TMEM117: variants seen among roughly 807,000 people sequenced by gnomAD.
TMEM117 encodes transmembrane protein 117.
Under a neutral mutation model 52.4 loss-of-function variants are expected in TMEM117, and 27 were observed. That is an observed-to-expected ratio of 0.51 (90% confidence interval 0.38 to 0.71). TMEM117 has a LOEUF of 0.71. TMEM117 is among the 30% of genes least tolerant of loss of function. The probability of loss-of-function intolerance (pLI) is 0.00; values close to 1 mark genes in which losing one functional copy is unlikely to be tolerated. For synonymous variants in TMEM117, 215 were observed against 206.3 expected, an observed-to-expected ratio of 1.04 and a Z score of -0.36; for missense variants, 556 against 630.5, an observed-to-expected ratio of 0.88 and a Z score of 1.26.
intron 2 of TMEM117, among the ~76,000 whole-genome samples, chr12:43,878,164 C>G (rs977917914): frequency 6.6e-6 from 1 of 150,980 alleles, no homozygotes; most frequent in African/African-American, 2.5e-5. Context: ...CTTAACAAAC[C>G]ACTCTGACTT....
chr12:44,155,295 G>A (rs1158382493), intron 4 of TMEM117, among the ~76,000 whole-genome samples: 1 of 152,018 alleles, frequency 6.6e-6, no homozygotes, highest in East Asian at 1.9e-4. Context: ...TAACAAATTA[G>A]TAAGGAGTAA....
chr12:44,152,857 A>G lies in TMEM117; in HGVS notation c.510+9233A>G, dbSNP rs142743163. On this transcript the variant is annotated intron_variant, in intron 4 of 7. Transcript: ENST00000266534. ...TTGTATTTATATAAATACAATATAT[A>G]CATTATATTTATGGAACCATTTTGA... 6.8e-3 allele frequency among the ~76,000 whole-genome samples: 989 copies of G among 145,410 alleles called. 14 individuals are homozygous for G. Among genetic ancestry groups the G allele is most frequent in the African/African-American group, 0.024 (947 of 39,942 alleles).
At chr12:44,184,871 A>T (rs1167148559) in intron 4 of TMEM117, among the ~76,000 whole-genome samples, 1 of 152,222 alleles carries the variant, frequency 6.6e-6, no homozygotes, top group Admixed American at 6.5e-5. Flanking sequence ...GGAACAATAG[A>T]AAACTAATGC....
chr12:43,841,233 C>T (rs1943110927), intron 1 of TMEM117, among the ~76,000 whole-genome samples: 1 of 152,168 alleles, frequency 6.6e-6, no homozygotes, highest in African/African-American at 2.4e-5. Context: ...AAAGAATGAG[C>T]TGTAAGCATG....
intron 2 of TMEM117, among the ~76,000 whole-genome samples, chr12:43,884,133 CAAA>C (rs758603064): frequency 1.4e-5 from 1 of 69,604 alleles, no homozygotes; most frequent in Admixed American, 1.7e-4. Flanking sequence ...GATACCATCT[CAAA>C]AAAAAAAAAA....
chr12:43,982,777 A>G (rs1157881433), intron 3 of TMEM117, among the ~76,000 whole-genome samples: 1 of 152,220 alleles, frequency 6.6e-6, no homozygotes, highest in Non-Finnish European at 1.5e-5. Flanking sequence ...ATTGCCAAAT[A>G]GAACACAGAG....
At chr12:44,217,053 G>A (rs1012565152) in intron 5 of TMEM117, among the ~76,000 whole-genome samples, 2 of 152,076 alleles carry the variant, frequency 1.3e-5, no homozygotes, top group African/African-American at 2.4e-5. Context: ...GACCAGAGAA[G>A]AGTTAATCAA....
chr12:44,054,628 T>C (rs974283861), intron 3 of TMEM117, among the ~76,000 whole-genome samples: 2 of 152,210 alleles, frequency 1.3e-5, no homozygotes, highest in Non-Finnish European at 2.9e-5. Flanking sequence ...AGCACAACTT[T>C]CCTTTAGGTT....
chr12:44,124,255 A>T (rs761091955), intron 3 of TMEM117, among the ~76,000 whole-genome samples: 1 of 152,182 alleles, frequency 6.6e-6, no homozygotes, highest in African/African-American at 2.4e-5. Flanking sequence ...TTGATTTTGT[A>T]TCCTGAGACT....
intron 2 of TMEM117, among the ~76,000 whole-genome samples, chr12:43,943,157 A>G (rs1207683398): frequency 2.2e-5 from 3 of 134,432 alleles, no homozygotes; most frequent in Non-Finnish European, 3.1e-5. Context: ...CAGCCCAGCA[A>G]CAGAGCAAGA....
intron 2 of TMEM117, among the ~76,000 whole-genome samples, chr12:43,912,108 C>G (rs1944514027): frequency 6.7e-6 from 1 of 149,710 alleles, no homozygotes; most frequent in Non-Finnish European, 1.5e-5. Context: ...AAATATCCAA[C>G]AACGATAGAC....
At chr12:43,835,381 T>C (rs988203460), upstream of TMEM117, among the ~76,000 whole-genome samples, 2 of 152,186 alleles carry the variant, frequency 1.3e-5, no homozygotes, top group African/African-American at 4.8e-5. Flanking sequence ...TACATATGTG[T>C]GTATGCATGT....
intron 5 of TMEM117, among the ~76,000 whole-genome samples, chr12:44,255,933 ATTG>A (rs1328234940): frequency 1.3e-5 from 2 of 152,080 alleles, no homozygotes; most frequent in African/African-American, 4.8e-5. Flanking sequence ...TAACTATAGT[ATTG>A]TTGTTCAGTG....
chr12:43,807,498 C>T, the TMEM117 span, among the ~76,000 whole-genome samples: 1 of 152,134 alleles, frequency 6.6e-6, no homozygotes, highest in Non-Finnish European at 1.5e-5. Flanking sequence ...TCAAATTCTT[C>T]CTGACACAAT....
intron 2 of TMEM117, among the ~76,000 whole-genome samples, chr12:43,854,783 T>G (rs1218269195): frequency 6.6e-6 from 1 of 151,996 alleles, no homozygotes; most frequent in East Asian, 1.9e-4. Context: ...ATTACAGGTG[T>G]CCACCACCAC....
At chr12:44,101,164 A>AGAG (rs1947854112) in intron 3 of TMEM117, among the ~76,000 whole-genome samples, 1 of 148,052 alleles carries the variant, frequency 6.8e-6, no homozygotes, top group Non-Finnish European at 1.5e-5. Context: ...CCCACCTCCT[A>AGAG]ATACCACCAA....
chr12:44,167,556 A>G (rs1189605683), intron 4 of TMEM117, among the ~76,000 whole-genome samples: 1 of 151,934 alleles, frequency 6.6e-6, no homozygotes, highest in East Asian at 1.9e-4. Flanking sequence ...TAGTCCAGCT[A>G]CTCGGGAGGC....
intron 3 of TMEM117, among the ~76,000 whole-genome samples, chr12:44,096,474 C>A (rs1351262576): frequency 6.6e-6 from 1 of 152,074 alleles, no homozygotes; most frequent in Non-Finnish European, 1.5e-5. Flanking sequence ...TACTACAGGG[C>A]TACAGTAACC....
At chr12:43,991,437 T>TTATC (rs58794606) in intron 3 of TMEM117, among the ~76,000 whole-genome samples, 13,615 of 150,100 alleles carry the variant, frequency 0.091, 1,261 homozygotes, top group African/African-American at 0.24. Flanking sequence ...ATATTTATTG[T>TTATC]TATCTATCTA....
Sources: allele counts gnomAD v4.1 joint callset (sites outside exome capture counted in the v4.1 genomes callset), GRCh38; gene constraint gnomAD v4.1.1; transcripts MANE v1.5; gene names NCBI Gene and HGNC (gene_info 2026-07-23, HGNC 2026-07-21).